Variants in DOT1L observed in about 807,000 individuals in gnomAD.
DOT1L encodes the protein histone-lysine N-methyltransferase, H3 lysine-79 specific.
DOT1L carries 33 observed loss-of-function variants against 153.3 expected under a neutral mutation model. That is an observed-to-expected ratio of 0.22 (90% CI 0.16 to 0.29). The LOEUF (loss-of-function observed/expected upper bound fraction) is 0.29. Ranked by LOEUF, DOT1L falls within the 10% of genes least tolerant of loss-of-function variation. The pLI, the probability that DOT1L is intolerant of heterozygous loss-of-function variation, is 1.00. For synonymous variants in DOT1L, 1,135 were observed against 965.1 expected, an observed-to-expected ratio of 1.18 and a Z score of -3.26; for missense variants, 1,847 against 2,119.9, an observed-to-expected ratio of 0.87 and a Z score of 2.53.
At position 2,232,345 on chromosome 19, in the gene DOT1L, C is replaced by T. The variant is rs1057316606; in HGVS notation, c.*2553C>T. 8 of 212,778 alleles carry T rather than the reference C, an allele frequency of 3.8e-5. No individual in the cohort carries two copies. Among genetic ancestry groups the T allele is most frequent in the Admixed American group, 1.8e-4 (3 of 17,002 alleles). The allele number at this position is 212,778 out of a possible 1,614,324, so 13.2% of individuals were successfully genotyped here. Reference sequence around the variant, plus strand: ...AGTGGTCAGCAGGCCCCCCACCCCCCGCCGACTGCCCTCGCCATCGTGGTC... The same window carrying T: ...AGTGGTCAGCAGGCCCCCCACCCCCTGCCGACTGCCCTCGCCATCGTGGTC... On this transcript the variant is annotated 3_prime_UTR_variant, in exon 28 of 28. Transcript: ENST00000398665.
At chr19:2,212,849 T>G (rs1003186735) in intron 16 of DOT1L, 4 of 152,284 alleles carry the variant, frequency 2.6e-5, no homozygotes, top group Non-Finnish European at 5.9e-5. Context: ...CCTGGGAGTC[T>G]CCGAGGACCT....
chr19:2,164,817 G>A (rs899607299), intron 1 of DOT1L, among the ~76,000 whole-genome samples: 2 of 152,128 alleles, frequency 1.3e-5, no homozygotes, highest in Non-Finnish European at 2.9e-5. Context: ...TTTTGTCCCC[G>A]TAATTTTGAG....
At chr19:2,206,968 C>G (rs1018071450) in intron 10 of DOT1L, among the ~76,000 whole-genome samples, 171 bp downstream of exon 10, 4 of 152,148 alleles carry the variant, frequency 2.6e-5, no homozygotes, top group Non-Finnish European at 5.9e-5. Flanking sequence ...TGGTGTCCAC[C>G]CACTCCATGC....
chr19:2,232,112 C>G lies in DOT1L; in HGVS notation c.*2320C>G, dbSNP rs1296532382. The G allele has an allele frequency of 4.6e-6, 1 of 219,656 alleles. No individual in the cohort carries two copies. Among genetic ancestry groups the G allele is most frequent in the East Asian group, 6.6e-5 (1 of 15,058 alleles). The allele number at this position is 219,656 out of a possible 1,614,324, so 13.6% of individuals were successfully genotyped here. ...TCTGGAGCCTGGTGCTGGCACCTGGCCTGAGTTTCCGTGGGCAGCTGGCGG... is the reference window on the plus strand; with the variant it reads ...TCTGGAGCCTGGTGCTGGCACCTGGGCTGAGTTTCCGTGGGCAGCTGGCGG... On this transcript the variant is annotated 3_prime_UTR_variant, in exon 28 of 28. Coordinates refer to ENST00000398665, the MANE Select transcript of DOT1L (RefSeq NM_032482.3).
intron 4 of DOT1L, 28 bp downstream of exon 4, chr19:2,189,823 G>A (rs775148921): frequency 1.2e-6 from 2 of 1,610,196 alleles, no homozygotes; most frequent in Middle Eastern, 1.6e-4. Flanking sequence ...GCCCAGAGGG[G>A]GTTAGTAGTG....
In DOT1L at chr19:2,226,434, G is replaced by C. The variant is rs376030977; in HGVS notation, c.3913G>C (p.Gly1305Arg). Residue 1305 changes from glycine to arginine, a missense_variant, in exon 27 of 28, where the codon GGA becomes CGA. Transcript: ENST00000398665. The part of the protein sequence containing the change: ...GFPGSLSGAD[G>R]LSPGTNPANG... ...TCCCGGCTCCCTGTCGGGGGCTGAC[G>C]GACTCAGCCCGGGCACCAACCCTGC... 3.3e-5 allele frequency: 53 copies of C among 1,600,948 alleles called. No individual in the cohort carries two copies. In the African/African-American group the frequency reaches 6.1e-4, roughly 19 times the overall value.
At chr19:2,228,169 C>T (rs1165915562) in intron 27 of DOT1L, 5 of 1,364,360 alleles carry the variant, frequency 3.7e-6, no homozygotes, top group South Asian at 1.1e-5. Context: ...ACCTCCCTCC[C>T]GCACAAGGGC....
intron 22 of DOT1L, among the ~76,000 whole-genome samples, chr19:2,219,032 C>T (rs1473084269): frequency 6.6e-6 from 1 of 152,202 alleles, no homozygotes; most frequent in Non-Finnish European, 1.5e-5. Flanking sequence ...CCACTATGCC[C>T]AGCTGATTTT....
At position 2,217,216 on chromosome 19, in the gene DOT1L, G is replaced by A; in HGVS notation, c.2544+126G>A. The A allele has an allele frequency of 7.5e-7, 1 of 1,330,122 alleles. No individual in the cohort carries two copies. Among genetic ancestry groups the A allele is most frequent in the South Asian group, 1.6e-5 (1 of 62,542 alleles). The allele number at this position is 1,330,122 out of a possible 1,614,324, so 82.4% of individuals were successfully genotyped here. ...ACGGTGAGGTACTGGGGCTGACCTG[G>A]AGTAGGATGTTGTGGCAGAGTTGGG... On this transcript the variant is annotated intron_variant, in intron 21 of 27. Coordinates refer to ENST00000398665, the MANE Select transcript of DOT1L (RefSeq NM_032482.3). This position sits in a 1 kb window ranked among gnomAD's most constrained non-coding sequence, Gnocchi z 7.3.
chr19:2,210,885 T>C (rs774520722), intron 14 of DOT1L, 30 bp downstream of exon 14: 1 of 1,605,680 alleles, frequency 6.2e-7, no homozygotes, highest in Non-Finnish European at 8.5e-7. Context: ...CGGCCCCCGC[T>C]CTCCCCGAGT....
intron 1 of DOT1L, among the ~76,000 whole-genome samples, chr19:2,169,065 G>A (rs1245968431): frequency 6.6e-6 from 1 of 152,180 alleles, no homozygotes; most frequent in Non-Finnish European, 1.5e-5. Flanking sequence ...GCGGGCAGGG[G>A]CGGCCTCCAC....
intron 26 of DOT1L, 40 bp downstream of exon 26, chr19:2,225,492 G>C (rs373224125): frequency 6.2e-6 from 10 of 1,603,864 alleles, no homozygotes; most frequent in Non-Finnish European, 7.7e-6. Flanking sequence ...AGGCCTGTCC[G>C]TGTGGCCGTG....
At chr19:2,194,786 T>C (rs1182801442) in intron 7 of DOT1L, among the ~76,000 whole-genome samples, 3 of 152,162 alleles carry the variant, frequency 2.0e-5, no homozygotes, top group African/African-American at 4.8e-5. Flanking sequence ...CCTCTCGTCC[T>C]CTCTGACATG....
At chr19:2,186,760 T>C (rs2022525857) in intron 3 of DOT1L, among the ~76,000 whole-genome samples, 1 of 152,226 alleles carries the variant, frequency 6.6e-6, no homozygotes, top group Admixed American at 6.5e-5. Context: ...GACAAGCGTG[T>C]TGCTGGCAGG....
Position 2,216,706 on chromosome 19 carries a change from G to T in DOT1L, c.2349G>T (p.Arg783=). 1 of 1,601,904 alleles carries T rather than the reference G, an allele frequency of 6.2e-7. No homozygotes were observed. Among genetic ancestry groups the T allele is most frequent in the East Asian group, 2.2e-5 (1 of 44,866 alleles). Residue 783 remains arginine, a synonymous_variant, in exon 20 of 28, where the codon CGG becomes CGT. Transcript: ENST00000398665. Reference sequence around the variant, plus strand: ...CCCCGGCCAAGATTGTGCTGAGGCGGCACCTGAGCCAGGACCACACGGTGC... The same window carrying T: ...CCCCGGCCAAGATTGTGCTGAGGCGTCACCTGAGCCAGGACCACACGGTGC... ...RLSPAKIVLR[R]HLSQDHTVPG...
chr19:2,220,265 C>CT lies in DOT1L; in HGVS notation c.2806+44dup. 9 of 1,568,424 alleles carry CT rather than the reference C, an allele frequency of 5.7e-6. No homozygotes were observed. The highest frequency in any genetic ancestry group is 7.8e-6 in the Non-Finnish European group (9 of 1,151,170). On this transcript the variant is annotated intron_variant, in intron 23 of 27. Coordinates refer to ENST00000398665, the MANE Select transcript of DOT1L (RefSeq NM_032482.3). This position sits in a 1 kb window ranked among gnomAD's most constrained non-coding sequence, Gnocchi z 4.5. ...CCCTACCCTCAGGACTCTGCTGCTG[C>CT]TGCTGCTCTTCAGGCAGGAGGGCTG...
In DOT1L at chr19:2,227,071, T is replaced by G. The variant is rs771262608; in HGVS notation, c.4550T>G (p.Leu1517Arg). 6 of 1,568,566 alleles carry G rather than the reference T, an allele frequency of 3.8e-6. No homozygotes were observed. Among genetic ancestry groups the G allele is most frequent in the Non-Finnish European group, 5.2e-6 (6 of 1,162,384 alleles). The change falls in exon 27 of 28, where the codon CTG becomes CGG. Residue 1517 changes from leucine (L) to arginine (R), a missense_variant. This residue lies in a region of DOT1L where 934 missense variants were observed against 825.3 expected (regional missense o/e 1.13). Coordinates refer to ENST00000398665, the MANE Select transcript of DOT1L (RefSeq NM_032482.3). ...LVHVSSAATR[L>R]TNSHAMGSFS... Reference sequence around the variant, plus strand: ...CACGTGTCGTCCGCTGCCACCAGACTGACCAACTCGCACGCCATGGGCAGC... The same window carrying G: ...CACGTGTCGTCCGCTGCCACCAGACGGACCAACTCGCACGCCATGGGCAGC...
Position 2,206,748 on chromosome 19 carries a change from G to A in DOT1L, c.807G>A (p.Ser269=), listed in dbSNP as rs199768042. 23 of 1,613,952 alleles carry A rather than the reference G, an allele frequency of 1.4e-5. No homozygotes were observed. The South Asian group carries it at 1.4e-4, about 10-fold the overall frequency. The change falls in exon 10 of 28, where the codon TCG becomes TCA. Residue 269 remains serine (S), a synonymous_variant. Coordinates refer to ENST00000398665, the MANE Select transcript of DOT1L (RefSeq NM_032482.3). ...TTTCAGGTGGCAGAATCGTGTCCTC[G>A]AAACCCTTTGCACCTCTGAACTTCA... ...NMKEGGRIVS[S]KPFAPLNFRI...
chr19:2,224,737 C>A (rs2024260967), intron 25 of DOT1L, among the ~76,000 whole-genome samples: 1 of 152,310 alleles, frequency 6.6e-6, no homozygotes, highest in South Asian at 2.1e-4. Context: ...CAGCGTGCGC[C>A]ATCACAGCCG....
Sources: gnomAD v4.1 joint callset for allele counts (sites outside exome capture counted in the v4.1 genomes callset) on GRCh38, gnomAD v4.1.1 for gene constraint, gnomAD v4.1.1 regional missense constraint, Gnocchi (gnomAD v3.1) non-coding constraint, MANE v1.5 for transcripts, NCBI Gene and HGNC (gene_info 2026-07-23, HGNC 2026-07-21) for gene names.